The following MTDH variants were observed in gnomAD, a reference collection of about 807,000 sequenced individuals.
MTDH encodes the protein protein LYRIC.
Under a neutral mutation model 72.7 loss-of-function variants are expected in MTDH, and 34 were observed. The ratio of observed to expected loss-of-function variants is 0.47; its 90% CI spans 0.36 to 0.62. The LOEUF is 0.62. MTDH is among the 20% of genes least tolerant of loss of function. The probability of loss-of-function intolerance (pLI) is 0.00; values close to 1 mark genes in which losing one functional copy is unlikely to be tolerated. For missense variants in MTDH, 677 were observed against 699.4 expected (o/e 0.97, Z 0.36); for synonymous variants, 266 against 268.9 (o/e 0.99, Z 0.10).
At chr8:97,668,077 G>A (rs1477261078) in intron 2 of MTDH, among the ~76,000 whole-genome samples, 2 of 152,092 alleles carry the variant, frequency 1.3e-5, no homozygotes, top group Non-Finnish European at 2.9e-5. Flanking sequence ...CACAAGGTCA[G>A]GAGATCAAGA....
chr8:97,720,084 A>G (rs1039770653), intron 10 of MTDH, among the ~76,000 whole-genome samples: 3 of 152,006 alleles, frequency 2.0e-5, no homozygotes, highest in African/African-American at 7.2e-5. Context: ...CAGGAGTTCG[A>G]GACCAGCCTG....
intron 6 of MTDH, among the ~76,000 whole-genome samples, chr8:97,693,023 C>A (rs1315893613): frequency 1.3e-5 from 2 of 151,992 alleles, no homozygotes; most frequent in African/African-American, 4.8e-5. Flanking sequence ...TGAGCCACCA[C>A]ACCTGGCCAT....
chr8:97,723,649 A>G (rs866639524), intron 11 of MTDH, among the ~76,000 whole-genome samples: 1 of 150,812 alleles, frequency 6.6e-6, no homozygotes, highest in South Asian at 2.1e-4. Context: ...AGGCTGAGGC[A>G]GGAGAATGGC....
At chr8:97,663,101 T>C (rs1217463232) in intron 2 of MTDH, among the ~76,000 whole-genome samples, 1 of 152,090 alleles carries the variant, frequency 6.6e-6, no homozygotes, top group East Asian at 1.9e-4. Context: ...TGACCTAGTG[T>C]TTTCTTTTTT....
At chr8:97,695,043 T>A (rs1186851460) in intron 6 of MTDH, among the ~76,000 whole-genome samples, 1 of 152,080 alleles carries the variant, frequency 6.6e-6, no homozygotes, top group Non-Finnish European at 1.5e-5. Flanking sequence ...GGTTGAATTT[T>A]ATGGAGTAAT....
intron 2 of MTDH, among the ~76,000 whole-genome samples, chr8:97,668,094 T>C (rs1199189132): frequency 6.6e-6 from 1 of 152,094 alleles, no homozygotes; most frequent in Non-Finnish European, 1.5e-5. Context: ...AAGACCATCC[T>C]GGCTAACACG....
rs1183650273 is a variant in MTDH at position 97,726,258 on chromosome 8, T to C, written c.*1588T>C. 1 of 152,686 alleles carries C rather than the reference T, an allele frequency of 6.5e-6. No homozygotes were observed. Among genetic ancestry groups the C allele is most frequent in the Admixed American group, 6.5e-5 (1 of 15,284 alleles). 9.5% of individuals were successfully genotyped at this position (152,686 alleles called of 1,614,324 possible). On this transcript the variant is annotated 3_prime_UTR_variant, in exon 12 of 12. Coordinates refer to ENST00000336273, the MANE Select transcript of MTDH (RefSeq NM_178812.4). ...GCAGTATGTTTACATGTCAGAAGTT[T>C]TGTTTAATTCTATGGTATTTCTAAA...
At chr8:97,655,582 C>G (rs1013966371) in intron 1 of MTDH, among the ~76,000 whole-genome samples, 1 of 152,168 alleles carries the variant, frequency 6.6e-6, no homozygotes, top group African/African-American at 2.4e-5. Context: ...TTCATCTGAG[C>G]TTGTTAATAT....
chr8:97,664,417 A>G (rs1433690079), intron 2 of MTDH, among the ~76,000 whole-genome samples: 1 of 151,582 alleles, frequency 6.6e-6, no homozygotes, highest in Non-Finnish European at 1.5e-5. Flanking sequence ...TTCTGATTCG[A>G]AAAAGTTCTT....
At chr8:97,681,887 A>G (rs933415291) in intron 2 of MTDH, among the ~76,000 whole-genome samples, 2 of 151,894 alleles carry the variant, frequency 1.3e-5, no homozygotes, top group Non-Finnish European at 2.9e-5. Flanking sequence ...AGTTATGTAT[A>G]CTCGGCTCCT....
At chr8:97,660,020 G>A (rs1398129413) in intron 1 of MTDH, among the ~76,000 whole-genome samples, 3 of 152,142 alleles carry the variant, frequency 2.0e-5, no homozygotes, top group South Asian at 2.1e-4. Context: ...TTAGCCGGGC[G>A]TGGTGGCATG....
chr8:97,645,428 G>C (rs1350827038), intron 1 of MTDH, among the ~76,000 whole-genome samples: 1 of 152,214 alleles, frequency 6.6e-6, no homozygotes, highest in Non-Finnish European at 1.5e-5. Flanking sequence ...GACTGTTAAA[G>C]GGAAATGGTT....
intron 8 of MTDH, among the ~76,000 whole-genome samples, chr8:97,709,920 T>C (rs373416106): frequency 1.3e-5 from 2 of 152,338 alleles, no homozygotes; most frequent in African/African-American, 2.4e-5. Context: ...CATCTTCCCA[T>C]TAACAAAAAT....
intron 1 of MTDH, among the ~76,000 whole-genome samples, chr8:97,658,896 C>T (rs894881062): frequency 6.6e-6 from 1 of 152,092 alleles, no homozygotes; most frequent in African/African-American, 2.4e-5. Flanking sequence ...GTAATCCCAG[C>T]ACTTTGGGAG....
At chr8:97,697,467 C>A (rs1432173233) in intron 6 of MTDH, among the ~76,000 whole-genome samples, 4 of 146,530 alleles carry the variant, frequency 2.7e-5, no homozygotes, top group Non-Finnish European at 4.5e-5. Flanking sequence ...CTCACGGCAA[C>A]CTCCGCCTCC....
chr8:97,721,518 A>T (rs1485048877), intron 10 of MTDH, among the ~76,000 whole-genome samples: 1 of 152,002 alleles, frequency 6.6e-6, no homozygotes, highest in East Asian at 1.9e-4. Context: ...GGCTCACACC[A>T]TTTCCTCTTG....
At chr8:97,666,493 A>G (rs1441903946) in intron 2 of MTDH, among the ~76,000 whole-genome samples, 1 of 152,232 alleles carries the variant, frequency 6.6e-6, no homozygotes, top group Non-Finnish European at 1.5e-5. Context: ...TTTTTGAAGC[A>G]TGGTCAGTGA....
At chr8:97,653,326 C>G (rs568996709) in intron 1 of MTDH, among the ~76,000 whole-genome samples, 1 of 152,306 alleles carries the variant, frequency 6.6e-6, no homozygotes, top group East Asian at 1.9e-4. Flanking sequence ...CTCTACCTCT[C>G]TGGTTTCGAT....
intron 2 of MTDH, among the ~76,000 whole-genome samples, chr8:97,669,533 C>T (rs142722965): frequency 9.2e-4 from 140 of 152,212 alleles, no homozygotes; most frequent in African/African-American, 2.9e-3. Flanking sequence ...TTCCCCTCTC[C>T]GCCACTTATC....
Sources: allele counts gnomAD v4.1 joint callset (sites outside exome capture counted in the v4.1 genomes callset), GRCh38; gene constraint gnomAD v4.1.1; transcripts MANE v1.5; gene names NCBI Gene and HGNC (gene_info 2026-07-23, HGNC 2026-07-21).